UGT1A6: variants seen among roughly 807,000 people sequenced by gnomAD.
UGT1A6 encodes UDP glucuronosyltransferase family 1 member A6.
UGT1A6 carries 32 observed loss-of-function variants against 44.4 expected under a neutral mutation model. The ratio of observed to expected loss-of-function variants is 0.72; its 90% confidence interval spans 0.54 to 0.97. UGT1A6 has a LOEUF of 0.97. Among genes scored for constraint, UGT1A6 ranks in the 50% least tolerant of loss-of-function variants. The probability of loss-of-function intolerance (pLI) is 0.00; values close to 1 mark genes in which losing one functional copy is unlikely to be tolerated. For missense variants in UGT1A6, 685 were observed against 661.9 expected (o/e 1.03, Z -0.38); for synonymous variants, 238 against 248.5 (o/e 0.96, Z 0.40).
intron 1 of UGT1A6, among the ~76,000 whole-genome samples, chr2:233,754,083 T>G (rs950704601): frequency 2.0e-5 from 3 of 152,238 alleles, no homozygotes; most frequent in Non-Finnish European, 4.4e-5. Flanking sequence ...TAACCTTTTA[T>G]CTAAATAATG....
intron 1 of UGT1A6, chr2:233,743,074 A>G: frequency 2.9e-6 from 1 of 345,076 alleles, no homozygotes; most frequent in East Asian, 7.5e-5. Context: ...AGGTGTTGGC[A>G]TGAAGTGTTT....
In UGT1A6 at chr2:233,746,570, C is replaced by T. The variant is rs537470722; in HGVS notation, c.862-20464C>T. Among the ~76,000 whole-genome samples the T allele has an allele frequency of 1.8e-3, 270 of 151,834 alleles. 4 individuals are homozygous for T. The highest frequency in any genetic ancestry group is 3.0e-3 in the Non-Finnish European group (201 of 68,008). ...CTTCTTAGCCCCTAGAGCACCACACCCTGTAATTGCCTAGTTGTGAGTTTG... is the reference window on the plus strand; with the variant it reads ...CTTCTTAGCCCCTAGAGCACCACACTCTGTAATTGCCTAGTTGTGAGTTTG... On this transcript the variant is annotated intron_variant, in intron 1 of 4. Coordinates refer to ENST00000305139, the MANE Select transcript of UGT1A6 (RefSeq NM_001072.4).
Position 233,712,532 on chromosome 2 carries a change from A to G in UGT1A6, c.861+18667A>G, listed in dbSNP as rs541231437. Among the ~76,000 whole-genome samples, 17 of 152,328 alleles carry G rather than the reference A, an allele frequency of 1.1e-4. No homozygotes were observed. The South Asian group carries it at 3.5e-3, about 32-fold the overall frequency. The stretch of plus-strand genomic sequence containing the variant: ...GCATTTTGGATGTGCTGTGTTACCC[A>G]TATGTGGGAAGAAAGAGTATTAAGA... On this transcript the variant is annotated intron_variant, in intron 1 of 4. Coordinates refer to ENST00000305139, the MANE Select transcript of UGT1A6 (RefSeq NM_001072.4).
chr2:233,743,768 G>C lies in UGT1A6; in HGVS notation c.862-23266G>C, dbSNP rs1559387872. The C allele has an allele frequency of 2.9e-6, 4 of 1,367,228 alleles. No individual in the cohort carries two copies. In the African/African-American group the frequency reaches 5.9e-5, roughly 20 times the overall value. 84.7% of individuals were successfully genotyped at this position (1,367,228 alleles called of 1,614,324 possible). A position where few individuals can be genotyped will look rare whatever the true frequency, so the allele number is the denominator to read the frequency against. ...GTCCGACAACACCTCGTAGGCCTCGGCCACCTGCTTGAATCTCCTCTCCGC... is the reference window on the plus strand; with the variant it reads ...GTCCGACAACACCTCGTAGGCCTCGCCCACCTGCTTGAATCTCCTCTCCGC... On this transcript the variant is annotated intron_variant, in intron 1 of 4. Coordinates refer to ENST00000305139, the MANE Select transcript of UGT1A6 (RefSeq NM_001072.4).
At chr2:233,710,968 G>A (rs1190110979) in intron 1 of UGT1A6, among the ~76,000 whole-genome samples, 1 of 152,154 alleles carries the variant, frequency 6.6e-6, no homozygotes, top group African/African-American at 2.4e-5. Flanking sequence ...TTGGCAGAGG[G>A]GAATATACAA....
rs181001855 is a variant in UGT1A6, at chr2:233,700,720, A to T, written c.861+6855A>T. Among the ~76,000 whole-genome samples, 157 of 151,936 alleles carry T rather than the reference A, an allele frequency of 1.0e-3. 1 individual carries two copies. Among genetic ancestry groups the T allele is most frequent in the African/African-American group, 3.4e-3 (142 of 41,440 alleles). On this transcript the variant is annotated intron_variant, in intron 1 of 4. Transcript: ENST00000305139. ...ACTTTGAATGTTTTTTTCTTTTTTT[A>T]AAAATTTTATTATTATTATACTTTA...
At chr2:233,708,932 A>G (rs1026818706) in intron 1 of UGT1A6, among the ~76,000 whole-genome samples, 3 of 152,134 alleles carry the variant, frequency 2.0e-5, no homozygotes, top group Non-Finnish European at 4.4e-5. Context: ...GAGCCAAACT[A>G]TGTCACCAGA....
At chr2:233,699,334 C>T (rs775076537) in intron 1 of UGT1A6, among the ~76,000 whole-genome samples, 1 of 152,186 alleles carries the variant, frequency 6.6e-6, no homozygotes, top group Non-Finnish European at 1.5e-5. Flanking sequence ...GAGTTTCATC[C>T]ACCCTAGGGC....
chr2:233,732,797 G>A (rs1219460969), intron 1 of UGT1A6, among the ~76,000 whole-genome samples: 2 of 150,530 alleles, frequency 1.3e-5, no homozygotes, highest in Non-Finnish European at 3.0e-5. Context: ...GGCAATGCAG[G>A]CTCTTTTTTG....
intron 1 of UGT1A6, among the ~76,000 whole-genome samples, chr2:233,759,189 C>T (rs938228585): frequency 2.0e-5 from 3 of 152,184 alleles, no homozygotes; most frequent in African/African-American, 7.2e-5. Flanking sequence ...CAAAAAGTTC[C>T]TTCCCAGGTT....
At chr2:233,711,983 C>T (rs1229844576) in intron 1 of UGT1A6, among the ~76,000 whole-genome samples, 4 of 152,190 alleles carry the variant, frequency 2.6e-5, no homozygotes, top group Non-Finnish European at 5.9e-5. Context: ...AGAGCCCCCA[C>T]AAATTATTCT....
At chr2:233,708,581 T>C (rs2076023977) in intron 1 of UGT1A6, 1 of 152,154 alleles carries the variant, frequency 6.6e-6, no homozygotes, top group Non-Finnish European at 1.5e-5. Context: ...GTGAGATTCC[T>C]TCACTACAGA....
chr2:233,757,382 C>T (rs1017517189), intron 1 of UGT1A6, among the ~76,000 whole-genome samples: 3 of 151,230 alleles, frequency 2.0e-5, no homozygotes, highest in African/African-American at 7.3e-5. Flanking sequence ...AGATTCAGCA[C>T]TTACTTGCTG....
At chr2:233,755,155 T>A (rs921927491) in intron 1 of UGT1A6, 1 of 1,293,270 alleles carries the variant, frequency 7.7e-7, no homozygotes, top group Non-Finnish European at 1.0e-6. Flanking sequence ...GCTTCCTCCC[T>A]GTCCTCGGGG....
In UGT1A6 at chr2:233,739,470, C is replaced by T. The variant is rs188701117; in HGVS notation, c.862-27564C>T. On this transcript the variant is annotated intron_variant, in intron 1 of 4. Transcript: ENST00000305139. ...CCACAGGGTTGGAGCTGCCTGAGAC[C>T]GTGGGAGCCCATTTCTGGCATCACC... 1.6e-3 allele frequency among the ~76,000 whole-genome samples: 240 copies of T among 152,268 alleles called. 1 individual carries two copies. The highest frequency in any genetic ancestry group is 4.9e-3 in the African/African-American group (205 of 41,548).
At chr2:233,720,108 G>A (rs372349841) in intron 1 of UGT1A6, among the ~76,000 whole-genome samples, 4 of 152,142 alleles carry the variant, frequency 2.6e-5, no homozygotes, top group South Asian at 4.2e-4. Flanking sequence ...CCCATCTTGC[G>A]AAAGATACAG....
chr2:233,709,101 C>A (rs780265500), intron 1 of UGT1A6, among the ~76,000 whole-genome samples: 26 of 152,142 alleles, frequency 1.7e-4, no homozygotes, highest in Non-Finnish European at 3.7e-4. Context: ...AAGTCACATG[C>A]CCATCTCTGA....
At chr2:233,724,256 C>T (rs2077196929) in intron 1 of UGT1A6, among the ~76,000 whole-genome samples, 1 of 131,772 alleles carries the variant, frequency 7.6e-6, no homozygotes, top group African/African-American at 2.9e-5. Flanking sequence ...CGCCCCTCAC[C>T]TCCCGGACGG....
chr2:233,725,063 TGCAATCG>T (rs2077358675), intron 1 of UGT1A6, among the ~76,000 whole-genome samples: 2 of 146,678 alleles, frequency 1.4e-5, no homozygotes, highest in African/African-American at 5.1e-5. Flanking sequence ...GGCGCGCGCC[TGCAATCG>T]CAGGCACTCG....
Sources: gnomAD v4.1 joint callset for allele counts (sites outside exome capture counted in the v4.1 genomes callset) on GRCh38, gnomAD v4.1.1 for gene constraint, MANE v1.5 for transcripts, NCBI Gene and HGNC (gene_info 2026-07-23, HGNC 2026-07-21) for gene names.